The following ANKIB1 variants were observed in gnomAD, a reference collection of about 807,000 sequenced individuals.
ANKIB1 encodes the protein ankyrin repeat and IBR domain-containing protein 1.
In ANKIB1, 43 loss-of-function variants were observed where a neutral mutation model predicts 122.1. The observed-to-expected ratio is 0.35, with a 90% confidence interval of 0.28 to 0.45. The LOEUF is 0.45. ANKIB1 is among the 20% of genes least tolerant of loss of function. The pLI is 1.00. For synonymous variants in ANKIB1, 390 were observed against 442.0 expected (o/e 0.88, Z 1.48); for missense variants, 992 against 1,329.5 (o/e 0.75, Z 3.95).
intron 11 of ANKIB1, among the ~76,000 whole-genome samples, chr7:92,373,626 A>C (rs1327367055): frequency 1.3e-5 from 2 of 152,196 alleles, no homozygotes; most frequent in African/African-American, 4.8e-5. Context: ...AAAGTATCAC[A>C]TTACTGCAGC....
At chr7:92,334,460 G>A (rs974517528) in intron 5 of ANKIB1, among the ~76,000 whole-genome samples, 3 of 152,004 alleles carry the variant, frequency 2.0e-5, no homozygotes, top group African/African-American at 7.2e-5. Context: ...CTATCAGACA[G>A]ATTCTAGAAA....
intron 17 of ANKIB1, among the ~76,000 whole-genome samples, chr7:92,394,049 C>T (rs183883232): frequency 6.6e-6 from 1 of 152,174 alleles, no homozygotes; most frequent in Non-Finnish European, 1.5e-5. Flanking sequence ...AAAGGCAGTG[C>T]AGCTCAGTGG....
chr7:92,254,424 A>C (rs183630170), intron 1 of ANKIB1, among the ~76,000 whole-genome samples: 1,812 of 152,312 alleles, frequency 0.012, 16 homozygotes, highest in Non-Finnish European at 0.016. Flanking sequence ...ATTATTTTTC[A>C]GAAATATTGA....
chr7:92,261,030 A>C (rs17164467), intron 1 of ANKIB1, among the ~76,000 whole-genome samples: 15,504 of 152,186 alleles, frequency 0.1, 973 homozygotes, highest in East Asian at 0.36. Flanking sequence ...ATAAAGTCCA[A>C]ACCTCTCTTG....
chr7:92,345,757 A>T (rs1023290511), intron 7 of ANKIB1, among the ~76,000 whole-genome samples: 2 of 152,018 alleles, frequency 1.3e-5, no homozygotes, highest in African/African-American at 4.8e-5. Flanking sequence ...GAGATATGTC[A>T]TTGGTATTTA....
chr7:92,376,729 G>A (rs1329740885), intron 11 of ANKIB1, among the ~76,000 whole-genome samples: 1 of 152,076 alleles, frequency 6.6e-6, no homozygotes, highest in East Asian at 1.9e-4. Flanking sequence ...GATTACAGGC[G>A]TGAGCCACCG....
chr7:92,261,062 T>G (rs1413924357), intron 1 of ANKIB1, among the ~76,000 whole-genome samples: 3 of 152,102 alleles, frequency 2.0e-5, no homozygotes, highest in Non-Finnish European at 4.4e-5. Context: ...AATTACTATG[T>G]TTTTTGGCCG....
chr7:92,396,557 G>C (rs1441958440), intron 18 of ANKIB1, 81 bp downstream of exon 18: 2 of 702,918 alleles, frequency 2.8e-6, no homozygotes, highest in Non-Finnish European at 4.9e-6. Flanking sequence ...AAATTTTTGT[G>C]AACGAGTTTG....
intron 1 of ANKIB1, among the ~76,000 whole-genome samples, chr7:92,261,075 C>T (rs1585075845): frequency 6.6e-6 from 1 of 151,998 alleles, no homozygotes; most frequent in Non-Finnish European, 1.5e-5. Flanking sequence ...TTTGGCCGGG[C>T]GCGGTGGCTC....
At chr7:92,254,676 G>A (rs1801399758) in intron 1 of ANKIB1, among the ~76,000 whole-genome samples, 1 of 151,992 alleles carries the variant, frequency 6.6e-6, no homozygotes, top group Non-Finnish European at 1.5e-5. Context: ...TTTCTTGTTG[G>A]ATTTTTTCCC....
At chr7:92,342,886 A>T in intron 5 of ANKIB1, 138 bp from the exon 6 acceptor site, 2 of 682,308 alleles carry the variant, frequency 2.9e-6, no homozygotes, top group Admixed American at 2.5e-5. Context: ...CTAGACATTC[A>T]TTTGCAGTTA....
chr7:92,372,747 A>G (rs1204653239), intron 11 of ANKIB1, among the ~76,000 whole-genome samples: 1 of 152,184 alleles, frequency 6.6e-6, no homozygotes, highest in Non-Finnish European at 1.5e-5. Flanking sequence ...TATTAATAAC[A>G]TTTTATTAAT....
rs1401803792 is a variant in ANKIB1, at chr7:92,246,314, C to G, written c.-296C>G. On this transcript the variant is annotated 5_prime_UTR_variant, in exon 1 of 20. Transcript: ENST00000265742. ...CGCCTTCGGCTCACGCAGCGCTTCCCGCGGGCCGCCAGTGCGCACCCTCGG... is the reference window on the plus strand; with the variant it reads ...CGCCTTCGGCTCACGCAGCGCTTCCGGCGGGCCGCCAGTGCGCACCCTCGG... 2 of 409,592 alleles carry G rather than the reference C, an allele frequency of 4.9e-6. No homozygotes were observed. The highest frequency in any genetic ancestry group is 9.6e-6 in the Non-Finnish European group (2 of 209,250). 25.4% of individuals were successfully genotyped at this position (409,592 alleles called of 1,614,324 possible). A position where few individuals can be genotyped will look rare whatever the true frequency, so the allele number is the denominator to read the frequency against.
At position 92,295,004 on chromosome 7, in the gene ANKIB1, G is replaced by A; in HGVS notation, c.26G>A (p.Arg9His). 2 of 1,603,590 alleles carry A rather than the reference G, an allele frequency of 1.2e-6. No individual in the cohort carries two copies. The highest frequency in any genetic ancestry group is 8.5e-7 in the Non-Finnish European group (1 of 1,174,968). The change falls in exon 2 of 20, where the codon CGT (arginine) becomes CAT (histidine). Residue 9 changes from arginine (R) to histidine (H), a missense_variant. By Grantham distance (29) the Arg-to-His change is conservative. Transcript: ENST00000265742. Reference protein sequence around the residue: MGNTTTKFRKALINGDENL... With the variant: MGNTTTKFHKALINGDENL... ...ATGGGAAATACAACCACCAAATTCCGTAAAGCACTCATCAATGGTGATGAA... is the reference window on the plus strand; with the variant it reads ...ATGGGAAATACAACCACCAAATTCCATAAAGCACTCATCAATGGTGATGAA...
chr7:92,376,981 T>G (rs571654634), intron 11 of ANKIB1, among the ~76,000 whole-genome samples: 2 of 152,338 alleles, frequency 1.3e-5, no homozygotes, highest in Admixed American at 1.3e-4. Flanking sequence ...TAAGCATGTT[T>G]CATTTTCTTA....
At chr7:92,326,608 T>G (rs1159853235) in intron 4 of ANKIB1, among the ~76,000 whole-genome samples, 2 of 152,200 alleles carry the variant, frequency 1.3e-5, no homozygotes, top group East Asian at 1.9e-4. Flanking sequence ...ACTTCTGTAC[T>G]AGAATGAGTA....
Position 92,385,366 on chromosome 7 carries a change from C to T in ANKIB1, c.1618-1143C>T, listed in dbSNP as rs189004317. 3.2e-3 allele frequency among the ~76,000 whole-genome samples: 494 copies of T among 152,288 alleles called. 1 individual carries two copies. Among genetic ancestry groups the T allele is most frequent in the Admixed American group, 5.8e-3 (89 of 15,304 alleles). On this transcript the variant is annotated intron_variant, in intron 11 of 19. Transcript: ENST00000265742. ...GAACTAGAAATACCATTTGATCCAGCGATCCCATTACTGGGTATATACCCA... is the reference window on the plus strand; with the variant it reads ...GAACTAGAAATACCATTTGATCCAGTGATCCCATTACTGGGTATATACCCA...
chr7:92,295,035 G>A lies in ANKIB1; in HGVS notation c.57G>A (p.Leu19=), dbSNP rs192300742. 5.0e-5 allele frequency: 81 copies of A among 1,605,990 alleles called. No individual in the cohort carries two copies. The East Asian group carries it at 1.6e-3, about 31-fold the overall frequency. ...CACTCATCAATGGTGATGAAAACCTGGCCTGCCAAATATATGAAAACAATC... is the reference window on the plus strand; with the variant it reads ...CACTCATCAATGGTGATGAAAACCTAGCCTGCCAAATATATGAAAACAATC... The part of the protein sequence containing the change: ...RKALINGDEN[L]ACQIYENNPQ... The change falls in exon 2 of 20, where the codon CTG becomes CTA. Residue 19 remains leucine (L), a synonymous_variant. Coordinates refer to ENST00000265742, the MANE Select transcript of ANKIB1 (RefSeq NM_019004.2).
At chr7:92,251,650 T>A (rs918102251) in intron 1 of ANKIB1, among the ~76,000 whole-genome samples, 1 of 152,180 alleles carries the variant, frequency 6.6e-6, no homozygotes, top group Non-Finnish European at 1.5e-5. Flanking sequence ...CATACATACA[T>A]ACCTCCTCAT....
Sources: allele counts gnomAD v4.1 joint callset (sites outside exome capture counted in the v4.1 genomes callset), GRCh38; gene constraint gnomAD v4.1.1; transcripts MANE v1.5; gene names NCBI Gene and HGNC (gene_info 2026-07-23, HGNC 2026-07-21).